The following SH3RF2 variants were observed in gnomAD, a reference collection of about 807,000 sequenced individuals.
The protein encoded by SH3RF2 is SH3 domain containing ring finger 2.
In SH3RF2, 43 loss-of-function variants were observed where a neutral mutation model predicts 59.0. The ratio of observed to expected loss-of-function variants is 0.73; its 90% CI spans 0.57 to 0.94. The LOEUF (loss-of-function observed/expected upper bound fraction) is 0.94, where lower values mean the gene tolerates loss of function less well. SH3RF2 is among the 40% of genes least tolerant of loss of function. The pLI is 0.00. For synonymous variants in SH3RF2, 391 were observed against 391.5 expected, an observed-to-expected ratio of 1.00 and a Z score of 0.01; for missense variants, 930 against 940.1, an observed-to-expected ratio of 0.99 and a Z score of 0.14.
chr5:146,009,340 C>G (rs1460869558), intron 4 of SH3RF2, among the ~76,000 whole-genome samples: 1 of 152,190 alleles, frequency 6.6e-6, no homozygotes, highest in Non-Finnish European at 1.5e-5. Flanking sequence ...CTGCCTGTCT[C>G]TGTGGCCTCT....
At chr5:146,002,085 C>T (rs1236362064) in intron 3 of SH3RF2, among the ~76,000 whole-genome samples, 2 of 152,140 alleles carry the variant, frequency 1.3e-5, no homozygotes, top group African/African-American at 4.8e-5. Context: ...CTAGGGAAAA[C>T]AAAGATTAAC....
At chr5:146,012,835 A>G (rs1290030013) in intron 4 of SH3RF2, among the ~76,000 whole-genome samples, 1 of 152,172 alleles carries the variant, frequency 6.6e-6, no homozygotes, top group Non-Finnish European at 1.5e-5. Flanking sequence ...GACATAACAC[A>G]GTGGTGTACT....
intron 5 of SH3RF2, among the ~76,000 whole-genome samples, chr5:146,039,636 T>G (rs1484527224): frequency 2.0e-5 from 3 of 152,218 alleles, no homozygotes; most frequent in African/African-American, 7.2e-5. Context: ...ACAGTAATTG[T>G]CATTCACTGC....
At chr5:145,960,824 G>A (rs970502240) in intron 2 of SH3RF2, among the ~76,000 whole-genome samples, 2 of 152,136 alleles carry the variant, frequency 1.3e-5, no homozygotes. Context: ...ATTGCTATTG[G>A]CACATAAAGA....
chr5:145,958,803 G>C (rs2149952197), intron 2 of SH3RF2, among the ~76,000 whole-genome samples: 1 of 152,216 alleles, frequency 6.6e-6, no homozygotes, highest in South Asian at 2.1e-4. Flanking sequence ...TGCTGGGCTT[G>C]GGTCAGAAGC....
chr5:146,044,191 C>T (rs1403815492), intron 5 of SH3RF2, among the ~76,000 whole-genome samples: 3 of 151,220 alleles, frequency 2.0e-5, no homozygotes, highest in African/African-American at 7.3e-5. Context: ...CGCTCTGTCA[C>T]CCAGGCTAGA....
chr5:146,047,232 T>G (rs1034700192), intron 5 of SH3RF2, among the ~76,000 whole-genome samples: 5 of 151,966 alleles, frequency 3.3e-5, no homozygotes, highest in South Asian at 2.1e-4. Flanking sequence ...ACTACCTGAT[T>G]TTAGATTTTC....
At chr5:145,948,566 A>C (rs147693862) in intron 2 of SH3RF2, among the ~76,000 whole-genome samples, 1,837 of 152,372 alleles carry the variant, frequency 0.012, 24 homozygotes, top group African/African-American at 0.042. Flanking sequence ...AGACAGGAGA[A>C]ATAAGGCAAA....
chr5:145,983,233 C>T (rs1759571415), intron 2 of SH3RF2, among the ~76,000 whole-genome samples: 1 of 148,360 alleles, frequency 6.7e-6, no homozygotes, highest in Admixed American at 6.8e-5. Flanking sequence ...TTGGCAAATG[C>T]TACAAACCAG....
At chr5:146,070,337 A>G (rs573783924) in intron 9 of SH3RF2, among the ~76,000 whole-genome samples, 1 of 152,288 alleles carries the variant, frequency 6.6e-6, no homozygotes, top group East Asian at 1.9e-4. Context: ...TTTGTCTCAC[A>G]GGGTCAAGCC....
At chr5:146,016,120 G>C (rs116125687) in intron 5 of SH3RF2, among the ~76,000 whole-genome samples, 1,788 of 152,234 alleles carry the variant, frequency 0.012, 38 homozygotes, top group African/African-American at 0.041. Context: ...AAATATCTGG[G>C]CAGGTGGTGG....
intron 2 of SH3RF2, among the ~76,000 whole-genome samples, chr5:145,968,166 T>C (rs537644069): frequency 5.9e-5 from 9 of 152,218 alleles, no homozygotes; most frequent in Non-Finnish European, 1.3e-4. Flanking sequence ...TCTATCAAAA[T>C]GTACAATGTA....
At chr5:145,980,546 T>A (rs967628303) in intron 2 of SH3RF2, among the ~76,000 whole-genome samples, 1 of 152,198 alleles carries the variant, frequency 6.6e-6, no homozygotes, top group Non-Finnish European at 1.5e-5. Flanking sequence ...TTATAAATGA[T>A]CCTGCACTTC....
intron 6 of SH3RF2, among the ~76,000 whole-genome samples, chr5:146,048,168 A>C (rs1762373419): frequency 6.6e-6 from 1 of 152,172 alleles, no homozygotes; most frequent in South Asian, 2.1e-4. Context: ...TTTAAAAATT[A>C]GCCAGGAATG....
chr5:146,038,744 A>G (rs1024873609), intron 5 of SH3RF2, among the ~76,000 whole-genome samples: 1 of 152,194 alleles, frequency 6.6e-6, no homozygotes, highest in Non-Finnish European at 1.5e-5. Context: ...TTCTCCCCCA[A>G]ATTTAACCAT....
intron 5 of SH3RF2, among the ~76,000 whole-genome samples, chr5:146,046,349 A>T (rs995126860): frequency 6.6e-6 from 1 of 152,224 alleles, no homozygotes; most frequent in Non-Finnish European, 1.5e-5. Context: ...ACAAAGGGAC[A>T]TATGTATTTA....
intron 2 of SH3RF2, among the ~76,000 whole-genome samples, chr5:145,983,230 A>G (rs183136419): frequency 1.1e-4 from 16 of 150,098 alleles, no homozygotes; most frequent in Admixed American, 6.0e-4. Flanking sequence ...AAATTGGCAA[A>G]TGCTACAAAC....
chr5:146,020,522 A>G (rs76499144), intron 5 of SH3RF2, among the ~76,000 whole-genome samples: 3,769 of 152,116 alleles, frequency 0.025, 169 homozygotes, highest in African/African-American at 0.087. Flanking sequence ...TAAGCATATT[A>G]TTTTTCAAGG....
chr5:146,009,141 T>G (rs1387415627), intron 4 of SH3RF2, among the ~76,000 whole-genome samples: 1 of 152,236 alleles, frequency 6.6e-6, no homozygotes, highest in African/African-American at 2.4e-5. Flanking sequence ...CTTAGGTGAT[T>G]ACTTAGGAGT....
Sources: allele counts gnomAD v4.1 joint callset (sites outside exome capture counted in the v4.1 genomes callset), GRCh38; gene constraint gnomAD v4.1.1; transcripts MANE v1.5; gene names NCBI Gene and HGNC (gene_info 2026-07-23, HGNC 2026-07-21).